ACTR3B: variants seen among roughly 807,000 people sequenced by gnomAD.
ACTR3B encodes actin related protein 3B, also known as actin-related protein 3B.
Under a neutral mutation model 59.0 loss-of-function variants are expected in ACTR3B, and 8 were observed. That is an observed-to-expected ratio of 0.14 (90% CI 0.08 to 0.24). ACTR3B has a LOEUF of 0.24. Among genes scored for constraint, ACTR3B ranks in the 10% least tolerant of loss-of-function variants. The pLI is 1.00. For synonymous variants in ACTR3B, 148 were observed against 197.9 expected (o/e 0.75, Z 2.12); for missense variants, 245 against 552.3 (o/e 0.44, Z 5.58).
At chr7:152,784,749 T>G (rs1364594905) in intron 2 of ACTR3B, among the ~76,000 whole-genome samples, 3 of 152,156 alleles carry the variant, frequency 2.0e-5, no homozygotes, top group Non-Finnish European at 4.4e-5. Context: ...TGTCCTCCCA[T>G]GGTCTCATCT....
In ACTR3B at chr7:152,854,568, C is replaced by G. The variant is rs778301772; in HGVS notation, c.*15C>G. The G allele has an allele frequency of 6.2e-7, 1 of 1,612,166 alleles. No individual in the cohort carries two copies. The highest frequency in any genetic ancestry group is 1.7e-5 in the Admixed American group (1 of 60,028). ...TCATGTCCTAGTGTCTGCCTGAACG[C>G]GTCGTTCGATGGTGTCACGTTGGGG... On this transcript the variant is annotated 3_prime_UTR_variant, in exon 12 of 12. Transcript: ENST00000256001. This position sits in a 1 kb window ranked among gnomAD's most constrained non-coding sequence, Gnocchi z 4.9.
At chr7:152,780,128 A>G (rs985552114) in intron 1 of ACTR3B, among the ~76,000 whole-genome samples, 6 of 152,222 alleles carry the variant, frequency 3.9e-5, no homozygotes, top group African/African-American at 1.4e-4. Flanking sequence ...TGAGGCAGGC[A>G]GATCACAAGG....
chr7:152,852,045 G>T (rs891323071), intron 9 of ACTR3B, 81 bp from the exon 10 acceptor site: 9 of 1,593,542 alleles, frequency 5.6e-6, no homozygotes, highest in Non-Finnish European at 7.7e-6. Context: ...GATTGGACCT[G>T]TGGGAGTTCT....
intron 2 of ACTR3B, among the ~76,000 whole-genome samples, chr7:152,794,673 T>TGTG (rs1358091026): frequency 1.2e-3 from 179 of 152,274 alleles, no homozygotes; most frequent in Non-Finnish European, 2.2e-3. Flanking sequence ...TTCTGTGTGG[T>TGTG]GTCAGTCAGT....
At chr7:152,760,600 G>T (rs770653140) in intron 1 of ACTR3B, among the ~76,000 whole-genome samples, 5 of 152,226 alleles carry the variant, frequency 3.3e-5, no homozygotes, top group Non-Finnish European at 7.3e-5. Flanking sequence ...GCTGAAAAAT[G>T]ATGTGTTTAA....
chr7:152,764,429 C>G, intron 1 of ACTR3B, among the ~76,000 whole-genome samples: 1 of 151,818 alleles, frequency 6.6e-6, no homozygotes, highest in Non-Finnish European at 1.5e-5. Flanking sequence ...GTCAGGAGAT[C>G]GAGACCATCC....
intron 1 of ACTR3B, among the ~76,000 whole-genome samples, chr7:152,782,152 T>C (rs2098156086): frequency 6.6e-6 from 1 of 151,830 alleles, no homozygotes; most frequent in African/African-American, 2.4e-5. Context: ...TTAGAAATAT[T>C]ACCGGATCAA....
intron 1 of ACTR3B, among the ~76,000 whole-genome samples, chr7:152,773,008 T>C (rs2116543881): frequency 6.6e-6 from 1 of 152,114 alleles, no homozygotes; most frequent in African/African-American, 2.4e-5. Context: ...AATTGATAAA[T>C]TGAGAAGGCT....
intron 1 of ACTR3B, among the ~76,000 whole-genome samples, chr7:152,777,944 C>T (rs969525590): frequency 2.0e-5 from 3 of 149,426 alleles, no homozygotes; most frequent in East Asian, 1.9e-4. Flanking sequence ...AGCAAGACTC[C>T]GTCTCAAAAA....
chr7:152,761,606 C>T (rs570222554), intron 1 of ACTR3B, among the ~76,000 whole-genome samples: 9 of 152,170 alleles, frequency 5.9e-5, no homozygotes, highest in African/African-American at 2.2e-4. Context: ...TTCTATAGAT[C>T]ATTGTTTTGT....
intron 1 of ACTR3B, among the ~76,000 whole-genome samples, chr7:152,778,874 T>C (rs2098142738): frequency 7.6e-6 from 1 of 132,344 alleles, no homozygotes; most frequent in Admixed American, 9.2e-5. Flanking sequence ...GCCCAGGAGG[T>C]TGAGGCTGCA....
chr7:152,825,138 G>T lies in ACTR3B; in HGVS notation c.951+16G>T. The stretch of plus-strand genomic sequence containing the variant: ...GCTGTATAAGGTATGAGCTGCCTGG[G>T]TAAGGTACTTTGATTTCATTCCACA... On this transcript the variant is annotated intron_variant, in intron 9 of 11. Coordinates refer to ENST00000256001, the MANE Select transcript of ACTR3B (RefSeq NM_020445.6). 1.5e-5 allele frequency: 24 copies of T among 1,607,794 alleles called. No homozygotes were observed. The highest frequency in any genetic ancestry group is 6.7e-5 in the African/African-American group (5 of 74,748).
chr7:152,832,307 G>C (rs1797094956), intron 9 of ACTR3B, among the ~76,000 whole-genome samples: 1 of 152,196 alleles, frequency 6.6e-6, no homozygotes, highest in African/African-American at 2.4e-5. Context: ...AGTTGCAGTT[G>C]TAGGTTGGAG....
At chr7:152,822,935 C>T (rs189171902) in intron 7 of ACTR3B, among the ~76,000 whole-genome samples, 164 of 152,300 alleles carry the variant, frequency 1.1e-3, no homozygotes, top group African/African-American at 3.5e-3. Flanking sequence ...GTGCCGCACT[C>T]GGTAGTTGAG....
At chr7:152,853,720 CT>C in intron 11 of ACTR3B, 143 bp downstream of exon 11, 3 of 733,022 alleles carry the variant, frequency 4.1e-6, no homozygotes, top group Non-Finnish European at 6.5e-6. Context: ...TAAATTATAT[CT>C]TTTTTGTTTT....
At chr7:152,844,668 C>A (rs139328199) in intron 9 of ACTR3B, among the ~76,000 whole-genome samples, 1,979 of 151,160 alleles carry the variant, frequency 0.013, 26 homozygotes, top group East Asian at 0.031. Context: ...GGTAAACTGG[C>A]CTTTTTGAAG....
At chr7:152,806,853 C>T (rs1031635443) in intron 4 of ACTR3B, among the ~76,000 whole-genome samples, 1 of 152,212 alleles carries the variant, frequency 6.6e-6, no homozygotes, top group Admixed American at 6.5e-5. Flanking sequence ...GTCTGTCAGT[C>T]ACAAACTTGC....
intron 6 of ACTR3B, among the ~76,000 whole-genome samples, chr7:152,818,456 C>CT (rs11295800): frequency 2.0e-5 from 3 of 150,540 alleles, no homozygotes; most frequent in East Asian, 3.9e-4. Flanking sequence ...AGCTCTTTTT[C>CT]TTTTTTTTTT....
At chr7:152,822,306 C>T (rs4726213) in intron 7 of ACTR3B, among the ~76,000 whole-genome samples, 87,356 of 151,700 alleles carry the variant, frequency 0.58, 26,705 homozygotes, top group East Asian at 0.72. Flanking sequence ...GTGTGCTCAG[C>T]GCCAGCTGGG....
Sources: gnomAD v4.1 joint callset for allele counts (sites outside exome capture counted in the v4.1 genomes callset) on GRCh38, gnomAD v4.1.1 for gene constraint, Gnocchi (gnomAD v3.1) non-coding constraint, MANE v1.5 for transcripts, NCBI Gene and HGNC (gene_info 2026-07-23, HGNC 2026-07-21) for gene names.